Variants in FBXO25 observed in about 807,000 individuals in gnomAD.
The protein encoded by FBXO25 is F-box protein 25.
A neutral mutation model predicts 51.9 loss-of-function variants in FBXO25; 45 were observed. The observed-to-expected ratio is 0.87, with a 90% confidence interval of 0.68 to 1.11. FBXO25 has a LOEUF of 1.11. FBXO25 is among the 50% of genes most tolerant of loss of function. FBXO25 has a pLI of 0.00. For missense variants in FBXO25, 507 were observed against 428.5 expected (o/e 1.18, Z -1.62); for synonymous variants, 199 against 151.0 (o/e 1.32, Z -2.33).
In FBXO25 at chr8:476,628, A is replaced by T. The variant is rs1009290070; in HGVS notation, c.*7824A>T. ...TTGTCCAGTTCATCTAGGTTATCCA[A>T]TTCTTTGATATGTAATTGCTCATAG... On this transcript the variant is annotated 3_prime_UTR_variant, in exon 10 of 10. Transcript: ENST00000350302. The T allele has an allele frequency of 3.5e-4, 54 of 152,264 alleles. No homozygotes were observed. Among genetic ancestry groups the T allele is most frequent in the African/African-American group, 1.2e-3 (48 of 41,560 alleles). The allele number at this position is 152,264 out of a possible 1,614,324, so 9.4% of individuals were successfully genotyped here.
chr8:459,947 G>C (rs1429738771), intron 8 of FBXO25, among the ~76,000 whole-genome samples: 1 of 152,180 alleles, frequency 6.6e-6, no homozygotes, highest in African/African-American at 2.4e-5. Flanking sequence ...TCTCTCAAGT[G>C]GACTTGTTCG....
chr8:436,274 A>G (rs1468398320), intron 5 of FBXO25, among the ~76,000 whole-genome samples: 1 of 152,166 alleles, frequency 6.6e-6, no homozygotes, highest in South Asian at 2.1e-4. Context: ...TTTTGTCCAA[A>G]GATTAATTAC....
intron 5 of FBXO25, among the ~76,000 whole-genome samples, chr8:449,612 A>T (rs1264514782): frequency 6.6e-6 from 1 of 152,196 alleles, no homozygotes; most frequent in East Asian, 1.9e-4. Context: ...TTGTGAAAAT[A>T]CTTGTTAGTG....
Position 432,951 on chromosome 8 carries a change from T to C in FBXO25, c.288+16T>C. ...CACAAAGGAAGTAAGTATTCTATTA[T>C]AAATATGAGAGTATCTTGTATTGTT... is the stretch of plus-strand genomic sequence containing the variant. On this transcript the variant is annotated intron_variant, in intron 4 of 9. Coordinates refer to ENST00000350302, the MANE Select transcript of FBXO25 (RefSeq NM_183420.2). 2 of 1,548,530 alleles carry C rather than the reference T, an allele frequency of 1.3e-6. No individual in the cohort carries two copies. The highest frequency in any genetic ancestry group is 1.2e-5 in the South Asian group (1 of 81,300).
chr8:412,245 C>G (rs193002252), intron 1 of FBXO25, among the ~76,000 whole-genome samples: 1 of 152,272 alleles, frequency 6.6e-6, no homozygotes, highest in Non-Finnish European at 1.5e-5. Flanking sequence ...CCTGCTGTTC[C>G]TTCTGTATGT....
chr8:441,141 C>T (rs1380420658), intron 5 of FBXO25, among the ~76,000 whole-genome samples: 1 of 151,582 alleles, frequency 6.6e-6, no homozygotes, highest in East Asian at 1.9e-4. Context: ...GTAACCAAAA[C>T]AGCATGATAC....
chr8:450,149 A>G lies in FBXO25; in HGVS notation c.475+66A>G, dbSNP rs149484405. The G allele has an allele frequency of 3.4e-5, 41 of 1,208,560 alleles. No individual in the cohort carries two copies. The African/African-American group carries it at 5.0e-4, about 15-fold the overall frequency. The allele number at this position is 1,208,560 out of a possible 1,614,324, so 74.9% of individuals were successfully genotyped here. A position where few individuals can be genotyped will look rare whatever the true frequency, so the allele number is the denominator to read the frequency against. Reference sequence around the variant, plus strand: ...TAGAAATTTGGTGCAAGGAGATGGGATTTTTCTTTTATCTTTACCCAGTAC... The same window carrying G: ...TAGAAATTTGGTGCAAGGAGATGGGGTTTTTCTTTTATCTTTACCCAGTAC... On this transcript the variant is annotated intron_variant, in intron 6 of 9. Coordinates refer to ENST00000350302, the MANE Select transcript of FBXO25 (RefSeq NM_183420.2).
At chr8:433,968 G>C (rs1039151379) in intron 4 of FBXO25, among the ~76,000 whole-genome samples, 3 of 152,200 alleles carry the variant, frequency 2.0e-5, no homozygotes, top group African/African-American at 7.2e-5. Flanking sequence ...TAGTGCTCGT[G>C]AAAGACCATT....
At chr8:458,256 C>A (rs1238311278) in intron 7 of FBXO25, 113 bp from the exon 8 acceptor site, 1 of 1,214,980 alleles carries the variant, frequency 8.2e-7, no homozygotes, top group Admixed American at 2.1e-5. Flanking sequence ...ACATGGAGAG[C>A]TCTTTTTGTG....
rs11774122 is a variant in FBXO25 at position 477,325 on chromosome 8, G to A, written c.*8521G>A. The A allele has an allele frequency of 0.09, 13,636 of 152,204 alleles. 857 individuals are homozygous for A. Among genetic ancestry groups the A allele is most frequent in the East Asian group, 0.25 (1,315 of 5,180 alleles). 9.4% of individuals were successfully genotyped at this position (152,204 alleles called of 1,614,324 possible). ...TGTCTTGCGACTGATCTTCTGTCTG[G>A]TTGTCCTATCCGTTACTGAAAGTGG... On this transcript the variant is annotated 3_prime_UTR_variant, in exon 10 of 10. Transcript: ENST00000350302.
chr8:437,338 G>A (rs1445671527), intron 5 of FBXO25, among the ~76,000 whole-genome samples: 1 of 152,214 alleles, frequency 6.6e-6, no homozygotes, highest in Non-Finnish European at 1.5e-5. Flanking sequence ...TGTGGAGCGA[G>A]GGAACTGGTG....
intron 2 of FBXO25, among the ~76,000 whole-genome samples, chr8:427,403 T>G (rs1373902257): frequency 6.6e-6 from 1 of 151,122 alleles, no homozygotes; most frequent in Non-Finnish European, 1.5e-5. Context: ...CTTAGAGTCA[T>G]GGCAACTTGT....
At chr8:415,402 A>T (rs1039951692) in intron 2 of FBXO25, among the ~76,000 whole-genome samples, 9 of 152,232 alleles carry the variant, frequency 5.9e-5, no homozygotes, top group African/African-American at 1.7e-4. Context: ...CTGCTCTTTC[A>T]AGCAACATTC....
intron 7 of FBXO25, among the ~76,000 whole-genome samples, chr8:452,270 C>A (rs1175017644): frequency 6.6e-6 from 1 of 152,124 alleles, no homozygotes; most frequent in African/African-American, 2.4e-5. Flanking sequence ...TGAAATTATC[C>A]TTAATAATGT....
intron 7 of FBXO25, among the ~76,000 whole-genome samples, chr8:453,665 A>G (rs1799235679): frequency 6.6e-6 from 1 of 152,022 alleles, no homozygotes. Flanking sequence ...ACTCAAGCAG[A>G]TGGGGTTAGA....
Position 458,341 on chromosome 8 carries a change from G to C in FBXO25, c.661-28G>C, listed in dbSNP as rs201451008. On this transcript the variant is annotated intron_variant, in intron 7 of 9. Coordinates refer to ENST00000350302, the MANE Select transcript of FBXO25 (RefSeq NM_183420.2). ...TGAACAAACATTGGCCATCTTCTCA[G>C]TGAGTTGCTGTTGTGTTTTCCTTTC... The C allele has an allele frequency of 8.7e-6, 14 of 1,604,504 alleles. No homozygotes were observed. The African/African-American group carries it at 9.3e-5, about 11-fold the overall frequency.
chr8:413,321 C>G (rs182232826), intron 2 of FBXO25, 108 bp downstream of exon 2: 2 of 1,360,946 alleles, frequency 1.5e-6, no homozygotes, highest in East Asian at 5.4e-5. Flanking sequence ...CTTGCCCACC[C>G]AGAAGGCTGG....
At chr8:447,253 A>G (rs1798794070) in intron 5 of FBXO25, among the ~76,000 whole-genome samples, 1 of 152,136 alleles carries the variant, frequency 6.6e-6, no homozygotes, top group East Asian at 1.9e-4. Flanking sequence ...AGGGATTCAC[A>G]TACATGCAGG....
Position 469,819 on chromosome 8 carries a change from C to G in FBXO25, c.*1015C>G, listed in dbSNP as rs769223537. 3.9e-5 allele frequency: 6 copies of G among 152,084 alleles called. No homozygotes were observed. Among genetic ancestry groups the G allele is most frequent in the Non-Finnish European group, 7.4e-5 (5 of 68,016 alleles). 9.4% of individuals were successfully genotyped at this position (152,084 alleles called of 1,614,324 possible). ...ATAGGGTCAAGGAGCCCAAGCAAAT[C>G]ATTTCTACTTTTTCCTTTAAGCATA... On this transcript the variant is annotated 3_prime_UTR_variant, in exon 10 of 10. Coordinates refer to ENST00000350302, the MANE Select transcript of FBXO25 (RefSeq NM_183420.2).
Sources: allele counts gnomAD v4.1 joint callset (sites outside exome capture counted in the v4.1 genomes callset), GRCh38; gene constraint gnomAD v4.1.1; transcripts MANE v1.5; gene names NCBI Gene and HGNC (gene_info 2026-07-23, HGNC 2026-07-21).